The following SLCO3A1 variants were observed in gnomAD, a reference collection of about 807,000 sequenced individuals.
SLCO3A1 encodes solute carrier organic anion transporter family member 3A1.
In SLCO3A1, 27 loss-of-function variants were observed where a neutral mutation model predicts 63.1. The observed-to-expected ratio is 0.43, with a 90% CI of 0.32 to 0.59. The LOEUF (loss-of-function observed/expected upper bound fraction) is 0.59, where lower values mean the gene tolerates loss of function less well. Among genes scored for constraint, SLCO3A1 ranks in the 20% least tolerant of loss-of-function variants. SLCO3A1 has a pLI of 0.09. For synonymous variants in SLCO3A1, 473 were observed against 409.9 expected (o/e 1.15, Z -1.86); for missense variants, 773 against 945.8 (o/e 0.82, Z 2.40).
Position 92,163,033 on chromosome 15 carries a change from C to A in SLCO3A1, c.2031C>A (p.Asn677Lys). 1 of 1,600,748 alleles carries A rather than the reference C, an allele frequency of 6.2e-7. No individual in the cohort carries two copies. Among genetic ancestry groups the A allele is most frequent in the East Asian group, 2.2e-5 (1 of 44,752 alleles). ...EFFASTLTLD[N>K]LGRDPVPANQ... is the part of the protein sequence containing the mutation. ...TTGCCTCTACTCTGACCCTAGACAA[C>A]CTGGGGAGGGACCCTGTGCCCGCAA... The change falls in exon 10 of 10, where the codon AAC becomes AAA. Residue 677 changes from asparagine (N) to lysine (K), a missense_variant. This residue lies in a region of SLCO3A1 where 139 missense variants were observed against 131.4 expected (regional missense o/e 1.06). Coordinates refer to ENST00000318445, the MANE Select transcript of SLCO3A1 (RefSeq NM_013272.4).
At chr15:92,088,809 G>T (rs1261550820) in intron 2 of SLCO3A1, among the ~76,000 whole-genome samples, 2 of 152,054 alleles carry the variant, frequency 1.3e-5, no homozygotes, top group Non-Finnish European at 2.9e-5. Context: ...ACATTTAAAA[G>T]ATCCTTGTGA....
At chr15:92,132,531 G>A (rs1025627064) in intron 7 of SLCO3A1, among the ~76,000 whole-genome samples, 1 of 142,858 alleles carries the variant, frequency 7.0e-6, no homozygotes, top group Non-Finnish European at 1.6e-5. Flanking sequence ...TTCACTTTCA[G>A]AAGTAATTAT....
chr15:92,030,789 C>T (rs59913727), intron 2 of SLCO3A1, among the ~76,000 whole-genome samples: 64,659 of 151,922 alleles, frequency 0.43, 15,279 homozygotes, highest in African/African-American at 0.64. Flanking sequence ...TACCTCTTAG[C>T]GCTCGCATTC....
chr15:92,080,234 C>A (rs1446409716), intron 2 of SLCO3A1, among the ~76,000 whole-genome samples: 1 of 152,208 alleles, frequency 6.6e-6, no homozygotes, highest in Non-Finnish European at 1.5e-5. Flanking sequence ...CTACCCCTCC[C>A]AGGCCTGGGT....
At chr15:92,045,811 G>A (rs1212829917) in intron 2 of SLCO3A1, among the ~76,000 whole-genome samples, 8 of 152,108 alleles carry the variant, frequency 5.3e-5, no homozygotes, top group African/African-American at 1.7e-4. Flanking sequence ...TAAGCCTTCA[G>A]AGCCTCCTTG....
At chr15:92,060,475 C>T (rs1200039273) in intron 2 of SLCO3A1, among the ~76,000 whole-genome samples, 7 of 151,580 alleles carry the variant, frequency 4.6e-5, no homozygotes. Flanking sequence ...CACGCTTGAA[C>T]CTGGGAGGCA....
At position 92,162,823 on chromosome 15, in the gene SLCO3A1, C is replaced by T. The variant is rs750091814; in HGVS notation, c.1821C>T (p.Phe607=). 1 of 1,614,234 alleles carries T rather than the reference C, an allele frequency of 6.2e-7. No homozygotes were observed. Among genetic ancestry groups the T allele is most frequent in the Non-Finnish European group, 8.5e-7 (1 of 1,180,034 alleles). ...CCACCTGCCTGTTCTGGAGCACGTTCTGTGGGGAGCAAGGCGCCTGCGTCC... is the reference window on the plus strand; with the variant it reads ...CCACCTGCCTGTTCTGGAGCACGTTTTGTGGGGAGCAAGGCGCCTGCGTCC... ...IDSTCLFWST[F]CGEQGACVLY... is the part of the protein sequence containing the mutation. Residue 607 remains phenylalanine (F), a synonymous_variant, in exon 10 of 10, where the codon TTC becomes TTT. Coordinates refer to ENST00000318445, the MANE Select transcript of SLCO3A1 (RefSeq NM_013272.4).
chr15:92,104,482 G>C lies in SLCO3A1; in HGVS notation c.949G>C (p.Gly317Arg). 6.2e-7 allele frequency: 1 copy of C among 1,614,072 alleles called. No individual in the cohort carries two copies. Among genetic ancestry groups the C allele is most frequent in the Non-Finnish European group, 8.5e-7 (1 of 1,180,018 alleles). ...ATACGAGAGACCCAAGCCCAGCAACGGGGTCCTGAGGCACCCCCTGGAGCC... is the reference window on the plus strand; with the variant it reads ...ATACGAGAGACCCAAGCCCAGCAACCGGGTCCTGAGGCACCCCCTGGAGCC... Reference protein sequence around the residue: ...REYERPKPSNGVLRHPLEPDS... With the variant: ...REYERPKPSNRVLRHPLEPDS... Residue 317 changes from glycine (G) to arginine (R), a missense_variant, in exon 4 of 10, where the codon GGG becomes CGG. Gly to Arg is a moderately radical substitution (Grantham distance 125, BLOSUM62 -2). Coordinates refer to ENST00000318445, the MANE Select transcript of SLCO3A1 (RefSeq NM_013272.4).
chr15:92,060,511 T>A (rs1258148126), intron 2 of SLCO3A1, among the ~76,000 whole-genome samples: 2 of 151,870 alleles, frequency 1.3e-5, no homozygotes, highest in African/African-American at 2.4e-5. Context: ...CGAGTTTTTT[T>A]TTTTTGGAGA....
At chr15:92,089,378 A>C (rs896333401) in intron 2 of SLCO3A1, among the ~76,000 whole-genome samples, 1 of 149,178 alleles carries the variant, frequency 6.7e-6, no homozygotes, top group Non-Finnish European at 1.5e-5. Context: ...GGTGTGGAGG[A>C]CTCGGTGCAG....
chr15:92,150,444 G>A (rs1382391821), intron 8 of SLCO3A1, among the ~76,000 whole-genome samples: 1 of 152,116 alleles, frequency 6.6e-6, no homozygotes, highest in Non-Finnish European at 1.5e-5. Flanking sequence ...CATGCTAAGT[G>A]GATTATTTCC....
intron 4 of SLCO3A1, among the ~76,000 whole-genome samples, chr15:92,105,075 T>C (rs2047651561): frequency 6.6e-6 from 1 of 151,462 alleles, no homozygotes; most frequent in Non-Finnish European, 1.5e-5. Flanking sequence ...GAGACCAGCC[T>C]GGCCAACGTG....
Position 91,912,778 on chromosome 15 carries a change from G to A in SLCO3A1, c.181-3215G>A, listed in dbSNP as rs373804944. ...ACCAGACTGCTTCAGCCACCTCTCC[G>A]GGGGTGACTTTCTAGGGGACCCCAC... On this transcript the variant is annotated intron_variant, in intron 1 of 9. Coordinates refer to ENST00000318445, the MANE Select transcript of SLCO3A1 (RefSeq NM_013272.4). This position sits in a 1 kb window ranked among gnomAD's most constrained non-coding sequence, Gnocchi z 5.0. Among the ~76,000 whole-genome samples, 14 of 152,134 alleles carry A rather than the reference G, an allele frequency of 9.2e-5. No individual in the cohort carries two copies. In the East Asian group the frequency reaches 9.7e-4, roughly 11 times the overall value.
At chr15:92,162,100 G>C (rs553845280) in intron 9 of SLCO3A1, 6 of 147,354 alleles carry the variant, frequency 4.1e-5, no homozygotes, top group African/African-American at 1.5e-4. Context: ...CACTTTACAT[G>C]GTAAAGTGAC....
intron 1 of SLCO3A1, among the ~76,000 whole-genome samples, chr15:91,857,941 A>G (rs781099625): frequency 1.3e-5 from 2 of 152,174 alleles, no homozygotes; most frequent in Non-Finnish European, 2.9e-5. Context: ...CCCTATTTAG[A>G]GTTATAGAAA....
chr15:92,045,243 G>A (rs1163403675), intron 2 of SLCO3A1, among the ~76,000 whole-genome samples: 8 of 143,682 alleles, frequency 5.6e-5, no homozygotes, highest in East Asian at 2.0e-4. Context: ...TCACACTGTC[G>A]CACTCCAGCC....
intron 2 of SLCO3A1, among the ~76,000 whole-genome samples, chr15:92,056,704 C>T (rs919565148): frequency 6.6e-6 from 1 of 152,178 alleles, no homozygotes; most frequent in East Asian, 1.9e-4. Flanking sequence ...CACCGCTCTA[C>T]CTTCACTTTT....
chr15:92,041,159 C>T (rs1202265910), intron 2 of SLCO3A1, among the ~76,000 whole-genome samples: 3 of 152,216 alleles, frequency 2.0e-5, no homozygotes, highest in Admixed American at 2.0e-4. Context: ...TTGTAACAAC[C>T]CTGGACAGGA....
intron 2 of SLCO3A1, among the ~76,000 whole-genome samples, chr15:91,973,273 A>G (rs1035588983): frequency 4.6e-5 from 7 of 152,192 alleles, no homozygotes; most frequent in South Asian, 2.1e-4. Context: ...CCTCCCAGGC[A>G]CTTCACACTG....
Sources: gnomAD v4.1 joint callset for allele counts (sites outside exome capture counted in the v4.1 genomes callset) on GRCh38, gnomAD v4.1.1 for gene constraint, gnomAD v4.1.1 regional missense constraint, Gnocchi (gnomAD v3.1) non-coding constraint, MANE v1.5 for transcripts, NCBI Gene and HGNC (gene_info 2026-07-23, HGNC 2026-07-21) for gene names.